Variants in ERN1 observed in about 807,000 individuals in gnomAD.
The protein encoded by ERN1 is serine/threonine-protein kinase/endoribonuclease IRE1.
ERN1 carries 39 observed loss-of-function variants against 113.1 expected under a neutral mutation model. That is an observed-to-expected ratio of 0.34 (90% confidence interval 0.27 to 0.45). The LOEUF (loss-of-function observed/expected upper bound fraction) is 0.45, where lower values mean the gene tolerates loss of function less well. Among genes scored for constraint, ERN1 ranks in the 20% least tolerant of loss-of-function variants. ERN1 has a pLI of 1.00. For missense variants in ERN1, 976 were observed against 1,274.8 expected, an observed-to-expected ratio of 0.77 and a Z score of 3.57; for synonymous variants, 507 against 515.9, an observed-to-expected ratio of 0.98 and a Z score of 0.23.
At position 64,039,485 on chromosome 17, in the gene ERN1, A is replaced by T. The variant is rs887048063; in HGVS notation, c.*4503T>A. On this transcript the variant is annotated 3_prime_UTR_variant, in exon 22 of 22. Transcript: ENST00000433197. The stretch of plus-strand genomic sequence containing the variant: ...CCCCGACCAAATTAATCACCCTTTA[A>T]TAATAAGACTACTGTAAAGCATCCA... The T allele has an allele frequency of 2.0e-5, 3 of 152,212 alleles. No individual in the cohort carries two copies. Among genetic ancestry groups the T allele is most frequent in the Non-Finnish European group, 2.9e-5 (2 of 68,038 alleles). The allele number at this position is 152,212 out of a possible 1,614,324, so 9.4% of individuals were successfully genotyped here.
intron 19 of ERN1, among the ~76,000 whole-genome samples, chr17:64,046,269 TAGATTGTCA>T (rs1912510734): frequency 1.3e-5 from 2 of 152,212 alleles, no homozygotes; most frequent in Admixed American, 6.5e-5. Flanking sequence ...GTGGAGAGGT[TAGATTGTCA>T]ACTTGGGTAC....
chr17:64,116,857 C>T (rs1481726647), intron 1 of ERN1, among the ~76,000 whole-genome samples: 1 of 150,880 alleles, frequency 6.6e-6, no homozygotes, highest in Non-Finnish European at 1.5e-5. Context: ...GTAATCCCAG[C>T]ACTTTGGGAG....
intron 8 of ERN1, 53 bp from the exon 9 acceptor site, chr17:64,065,340 A>G: frequency 7.3e-7 from 1 of 1,365,036 alleles, no homozygotes; most frequent in Non-Finnish European, 1.0e-6. Context: ...TCCAGATCCC[A>G]CAGAAGGGAG....
intron 10 of ERN1, among the ~76,000 whole-genome samples, chr17:64,060,978 A>T (rs190109659): frequency 2.0e-5 from 3 of 152,304 alleles, no homozygotes; most frequent in African/African-American, 7.2e-5. Context: ...TCACTCTTCT[A>T]TGGCCGCCGA....
In ERN1 at chr17:64,068,102, A is replaced by G. The variant is rs1451104315; in HGVS notation, c.580+88T>C. 20 of 902,254 alleles carry G rather than the reference A, an allele frequency of 2.2e-5. No homozygotes were observed. In the East Asian group the frequency reaches 5.3e-4, roughly 24 times the overall value. The allele number at this position is 902,254 out of a possible 1,614,324, so 55.9% of individuals were successfully genotyped here. A position where few individuals can be genotyped will look rare whatever the true frequency, so the allele number is the denominator to read the frequency against. ...GAACCTGGTGACAAAGAGTATCTTAAAAGAAAATCCTACTTTCTGGAGCCA... is the reference window on the plus strand; with the variant it reads ...GAACCTGGTGACAAAGAGTATCTTAGAAGAAAATCCTACTTTCTGGAGCCA... On this transcript the variant is annotated intron_variant, in intron 7 of 21. Transcript: ENST00000433197.
At chr17:64,064,257 G>T in intron 9 of ERN1, 106 bp from the exon 10 acceptor site, 1 of 1,273,000 alleles carries the variant, frequency 7.9e-7, no homozygotes, top group Non-Finnish European at 1.1e-6. Flanking sequence ...CTAGTGCAGG[G>T]CTAGTCCAGG....
chr17:64,060,083 T>C (rs1227347679), intron 11 of ERN1, among the ~76,000 whole-genome samples: 1 of 151,998 alleles, frequency 6.6e-6, no homozygotes, highest in East Asian at 1.9e-4. Context: ...TACTACCCCC[T>C]ACTTAGTAGC....
chr17:64,118,586 T>G (rs1362358885), intron 1 of ERN1, among the ~76,000 whole-genome samples: 1 of 152,170 alleles, frequency 6.6e-6, no homozygotes, highest in Non-Finnish European at 1.5e-5. Context: ...TCTACTGACA[T>G]TTGTCAACTT....
At position 64,044,187 on chromosome 17, in the gene ERN1, C is replaced by T. The variant is rs768559924; in HGVS notation, c.2735G>A (p.Arg912Gln). The change falls in exon 22 of 22, where the codon CGG (arginine) becomes CAG (glutamine). Residue 912 changes from arginine to glutamine, a missense_variant. Coordinates refer to ENST00000433197, the MANE Select transcript of ERN1 (RefSeq NM_001433.5). The surrounding 1 kb of genome is among the most constrained non-coding windows in gnomAD (Gnocchi z 4.1). The part of the protein sequence containing the change: ...RAMRNKKHHY[R>Q]ELPAEVRETL... Reference sequence around the variant, plus strand: ...CTCCCGCACCTCTGCAGGCAGCTCCCGGTAGTGGTGCTTCTGCAAAGAGTT... The same window carrying T: ...CTCCCGCACCTCTGCAGGCAGCTCCTGGTAGTGGTGCTTCTGCAAAGAGTT... The T allele has an allele frequency of 5.8e-6, 9 of 1,545,622 alleles. No homozygotes were observed. Among genetic ancestry groups the T allele is most frequent in the African/African-American group, 1.4e-5 (1 of 72,876 alleles).
At chr17:64,050,495 C>G (rs921782513) in intron 17 of ERN1, among the ~76,000 whole-genome samples, 1 of 152,030 alleles carries the variant, frequency 6.6e-6, no homozygotes, top group African/African-American at 2.4e-5. Context: ...TAGAAAGACT[C>G]GATAAAGGAA....
chr17:64,123,328 C>T (rs1181368179), intron 1 of ERN1, among the ~76,000 whole-genome samples: 1 of 152,182 alleles, frequency 6.6e-6, no homozygotes, highest in Non-Finnish European at 1.5e-5. Context: ...TCTGAAACCA[C>T]TGCAAACTAA....
At position 64,087,795 on chromosome 17, in the gene ERN1, A is replaced by C. The variant is rs575638706; in HGVS notation, c.176-6987T>G. ...TTCCTCCTGCTCTCACCTGTGGCAT[A>C]ATTCTGAAGAGCCTGCTCTTCCAGT... is the stretch of plus-strand genomic sequence containing the variant. On this transcript the variant is annotated intron_variant, in intron 2 of 21. Coordinates refer to ENST00000433197, the MANE Select transcript of ERN1 (RefSeq NM_001433.5). Among the ~76,000 whole-genome samples the C allele has an allele frequency of 6.6e-5, 10 of 152,280 alleles. No individual in the cohort carries two copies. The East Asian group carries it at 7.7e-4, about 12-fold the overall frequency.
intron 2 of ERN1, among the ~76,000 whole-genome samples, chr17:64,086,373 A>G (rs1449424107): frequency 3.9e-5 from 6 of 152,154 alleles, no homozygotes; most frequent in Non-Finnish European, 8.8e-5. Flanking sequence ...CACGTCATAG[A>G]TACTCATTTG....
chr17:64,129,606 G>A (rs1484847598), intron 1 of ERN1: 1 of 364,212 alleles, frequency 2.7e-6, no homozygotes, highest in Non-Finnish European at 4.9e-6. Context: ...GCGAGGAGGA[G>A]GGTCCCGCAG....
intron 10 of ERN1, among the ~76,000 whole-genome samples, chr17:64,062,927 G>A (rs1034405189): frequency 4.6e-5 from 7 of 152,212 alleles, no homozygotes; most frequent in Admixed American, 1.3e-4. Flanking sequence ...TAAAGGAAGC[G>A]AGCAGGGCTC....
chr17:64,058,102 A>AG, intron 11 of ERN1, 109 bp from the exon 12 acceptor site: 1 of 848,956 alleles, frequency 1.2e-6, no homozygotes. Flanking sequence ...ACTGTACTGC[A>AG]GGGGGTTTTA....
chr17:64,048,091 C>T (rs1194807824), intron 18 of ERN1, 106 bp from the exon 19 acceptor site: 2 of 1,045,056 alleles, frequency 1.9e-6, no homozygotes, highest in African/African-American at 1.6e-5. Context: ...ATTCTATTTA[C>T]AGGAATTTAT....
At chr17:64,099,691 G>C (rs1427861655) in intron 1 of ERN1, among the ~76,000 whole-genome samples, 2 of 152,182 alleles carry the variant, frequency 1.3e-5, no homozygotes, top group Admixed American at 6.5e-5. Flanking sequence ...CTCTCGGTAA[G>C]AGCCAGGATG....
Position 64,044,262 on chromosome 17 carries a change from C to T in ERN1, c.2722-62G>A, listed in dbSNP as rs2143311013. On this transcript the variant is annotated intron_variant, in intron 21 of 21. Transcript: ENST00000433197. The surrounding 1 kb of genome is among the most constrained non-coding windows in gnomAD (Gnocchi z 4.1). ...GGTTAGAAAGCTCGGGAAATGTTGG[C>T]AAAACACCCTTTCATCATGCAAGGA... 2 of 1,178,432 alleles carry T rather than the reference C, an allele frequency of 1.7e-6. No individual in the cohort carries two copies. The highest frequency in any genetic ancestry group is 3.6e-5 in the South Asian group (2 of 56,274). The allele number at this position is 1,178,432 out of a possible 1,614,324, so 73.0% of individuals were successfully genotyped here.
Sources: gnomAD v4.1 joint callset for allele counts (sites outside exome capture counted in the v4.1 genomes callset) on GRCh38, gnomAD v4.1.1 for gene constraint, Gnocchi (gnomAD v3.1) non-coding constraint, MANE v1.5 for transcripts, NCBI Gene and HGNC (gene_info 2026-07-23, HGNC 2026-07-21) for gene names.